ITGAM: variants seen among roughly 807,000 people sequenced by gnomAD.
The protein encoded by ITGAM is integrin subunit alpha M, also known as integrin alpha-M.
A neutral mutation model predicts 137.5 loss-of-function variants in ITGAM; 79 were observed. That is an observed-to-expected ratio of 0.57 (90% CI 0.48 to 0.69). The LOEUF is 0.69. Among genes scored for constraint, ITGAM ranks in the 30% least tolerant of loss-of-function variants. The probability of loss-of-function intolerance (pLI) is 0.00; values close to 1 mark genes in which losing one functional copy is unlikely to be tolerated. For missense variants in ITGAM, 1,343 were observed against 1,483.5 expected (o/e 0.91, Z 1.56); for synonymous variants, 583 against 592.3 (o/e 0.98, Z 0.23).
intron 14 of ITGAM, among the ~76,000 whole-genome samples, chr16:31,311,237 G>A (rs1304025595): frequency 6.6e-6 from 1 of 152,148 alleles, no homozygotes; most frequent in African/African-American, 2.4e-5. Flanking sequence ...AGGACTTCAT[G>A]TCTAAAACAT....
chr16:31,276,628 G>A (rs752843808), intron 9 of ITGAM, 43 bp from the exon 10 acceptor site: 10 of 1,448,224 alleles, frequency 6.9e-6, no homozygotes, highest in South Asian at 4.8e-5. Context: ...CACCATGCCC[G>A]GCCTTCTGCT....
intron 5 of ITGAM, among the ~76,000 whole-genome samples, chr16:31,269,254 T>C (rs573274293): frequency 6.6e-6 from 1 of 152,278 alleles, no homozygotes; most frequent in Admixed American, 6.5e-5. Flanking sequence ...CTGCAAAATA[T>C]CTCAAGCACT....
intron 14 of ITGAM, among the ~76,000 whole-genome samples, chr16:31,315,622 T>A (rs1463140092): frequency 6.6e-6 from 1 of 151,874 alleles, no homozygotes; most frequent in Non-Finnish European, 1.5e-5. Flanking sequence ...CATGCCTGGC[T>A]ACTTTTTTGT....
intron 11 of ITGAM, 75 bp downstream of exon 11, chr16:31,277,124 G>A (rs2079916039): frequency 7.6e-7 from 1 of 1,324,420 alleles, no homozygotes; most frequent in African/African-American, 1.5e-5. Flanking sequence ...AGATGTCTGG[G>A]TCTTGAATGA....
intron 16 of ITGAM, among the ~76,000 whole-genome samples, chr16:31,323,020 A>C (rs1176029693): frequency 6.6e-6 from 1 of 152,122 alleles, no homozygotes; most frequent in Admixed American, 6.5e-5. Context: ...AATTACAGAA[A>C]GTGGTGGTGG....
chr16:31,269,429 TTAAACTA>T (rs574552242), intron 5 of ITGAM, among the ~76,000 whole-genome samples: 54 of 152,270 alleles, frequency 3.5e-4, no homozygotes, highest in African/African-American at 8.7e-4. Flanking sequence ...CGATCTTTGT[TTAAACTA>T]TAAACTATAA....
At chr16:31,304,226 A>AT (rs1358544664) in intron 14 of ITGAM, among the ~76,000 whole-genome samples, 4 of 151,574 alleles carry the variant, frequency 2.6e-5, no homozygotes, top group East Asian at 3.9e-4. Flanking sequence ...GATGTTGAGC[A>AT]TTTTTTTCAT....
chr16:31,310,258 G>A (rs1450029763), intron 14 of ITGAM, among the ~76,000 whole-genome samples: 1 of 152,172 alleles, frequency 6.6e-6, no homozygotes, highest in East Asian at 1.9e-4. Context: ...CTAGATTGGG[G>A]AAGTTCTCCT....
intron 9 of ITGAM, 109 bp from the exon 10 acceptor site, chr16:31,276,562 C>T (rs2144308830): frequency 2.7e-6 from 2 of 734,774 alleles, no homozygotes; most frequent in Non-Finnish European, 4.7e-6. Context: ...TAACTCCTGA[C>T]CTCAAGTGAT....
intron 12 of ITGAM, among the ~76,000 whole-genome samples, chr16:31,284,530 G>A (rs561207645): frequency 4.2e-4 from 64 of 152,310 alleles, no homozygotes; most frequent in African/African-American, 1.3e-3. Context: ...TGAGCCAGAC[G>A]CGGGATATAA....
intron 3 of ITGAM, 65 bp from the exon 4 acceptor site, chr16:31,265,746 C>T (rs1380343976): frequency 7.0e-7 from 1 of 1,437,066 alleles, no homozygotes; most frequent in South Asian, 1.2e-5. Flanking sequence ...TGACCCCTGC[C>T]CAGCTCTTCC....
intron 9 of ITGAM, 150 bp downstream of exon 9, chr16:31,275,849 CTTGGTCAAT>C: frequency 1.4e-6 from 1 of 724,636 alleles, no homozygotes; most frequent in Non-Finnish European, 2.2e-6. Flanking sequence ...CCCAGCCTCA[CTTGGTCAAT>C]TCCTTTGAAG....
intron 8 of ITGAM, among the ~76,000 whole-genome samples, chr16:31,274,444 A>C (rs1455153272): frequency 6.6e-6 from 1 of 152,160 alleles, no homozygotes; most frequent in Non-Finnish European, 1.5e-5. Context: ...CCAGGCTCTC[A>C]TCATGAGCGA....
intron 12 of ITGAM, among the ~76,000 whole-genome samples, chr16:31,285,937 G>A (rs573094514): frequency 6.6e-6 from 1 of 151,994 alleles, no homozygotes; most frequent in Admixed American, 6.6e-5. Flanking sequence ...CTCCCAAAAT[G>A]CTGAGATTAC....
rs557911480 is a variant in ITGAM at position 31,266,705 on chromosome 16, G to T, written c.427+558G>T. ...AACCTGGGTGACAGAGCAAGACCCT[G>T]TCTTTAAAAAATAAGTCCAGGTCAC... On this transcript the variant is annotated intron_variant, in intron 5 of 29. Transcript: ENST00000544665. Among the ~76,000 whole-genome samples, 17 of 152,154 alleles carry T rather than the reference G, an allele frequency of 1.1e-4. No individual in the cohort carries two copies. The South Asian group carries it at 3.5e-3, about 32-fold the overall frequency.
Position 31,331,657 on chromosome 16 carries a change from T to C in ITGAM, c.3409T>C (p.Tyr1137His), listed in dbSNP as rs2080585492. ...LYKLGFFKRQ[Y>H]KDMMSEGGPP... ...GCAGCTCGGCTTCTTCAAGCGGCAATACAAGGACATGATGAGTGAAGGGGG... is the reference window on the plus strand; with the variant it reads ...GCAGCTCGGCTTCTTCAAGCGGCAACACAAGGACATGATGAGTGAAGGGGG... Residue 1137 changes from tyrosine (Y) to histidine (H), a missense_variant, in exon 30 of 30, where the codon TAC (tyrosine) becomes CAC (histidine). Physicochemically the swap from Tyr to His is moderately conservative, Grantham distance 83 (BLOSUM62 2). Coordinates refer to ENST00000544665, the MANE Select transcript of ITGAM (RefSeq NM_000632.4). 2.5e-6 allele frequency: 4 copies of C among 1,581,558 alleles called. No individual in the cohort carries two copies. The highest frequency in any genetic ancestry group is 3.4e-4 in the Middle Eastern group (2 of 5,918).
At chr16:31,296,960 C>T (rs8045402) in intron 12 of ITGAM, among the ~76,000 whole-genome samples, 11,038 of 152,060 alleles carry the variant, frequency 0.073, 1,361 homozygotes, top group African/African-American at 0.25. Flanking sequence ...GTCAGAGTGC[C>T]AACTTTGACT....
chr16:31,307,414 G>T (rs973957072), intron 14 of ITGAM, among the ~76,000 whole-genome samples: 5 of 152,162 alleles, frequency 3.3e-5, no homozygotes, highest in Non-Finnish European at 7.4e-5. Context: ...AAGCAATTGT[G>T]AATGGAAGTG....
At chr16:31,266,780 C>T (rs1441117670) in intron 5 of ITGAM, among the ~76,000 whole-genome samples, 1 of 151,906 alleles carries the variant, frequency 6.6e-6, no homozygotes. Flanking sequence ...AGGTGGGAAT[C>T]TTGGGGACCA....
Sources: gnomAD v4.1 joint callset for allele counts (sites outside exome capture counted in the v4.1 genomes callset) on GRCh38, gnomAD v4.1.1 for gene constraint, MANE v1.5 for transcripts, NCBI Gene and HGNC (gene_info 2026-07-23, HGNC 2026-07-21) for gene names.